DCDC1: variants seen among roughly 807,000 people sequenced by gnomAD.
DCDC1 encodes doublecortin domain-containing protein 1.
Under a neutral mutation model 178.3 loss-of-function variants are expected in DCDC1, and 200 were observed. The observed-to-expected ratio is 1.12, with a 90% confidence interval of 1.00 to 1.26. The LOEUF is 1.26. Ranked by LOEUF, DCDC1 falls within the 50% of genes most tolerant of loss-of-function variation. The pLI is 0.00. For synonymous variants in DCDC1, 690 were observed against 604.8 expected, an observed-to-expected ratio of 1.14 and a Z score of -2.07; for missense variants, 1,983 against 1,749.2, an observed-to-expected ratio of 1.13 and a Z score of -2.38.
At chr11:31,272,221 C>T (rs538884329) in intron 7 of DCDC1, among the ~76,000 whole-genome samples, 89 of 151,290 alleles carry the variant, frequency 5.9e-4, no homozygotes, top group Non-Finnish European at 2.5e-4. Flanking sequence ...AAGAACAGCA[C>T]GGGAAAGACC....
At chr11:31,178,392 T>C (rs1282396841) in intron 9 of DCDC1, among the ~76,000 whole-genome samples, 1 of 152,004 alleles carries the variant, frequency 6.6e-6, no homozygotes, top group African/African-American at 2.4e-5. Context: ...TCAAAATGGA[T>C]TAAAAACAAA....
At chr11:31,057,007 G>T (rs1343616002) in intron 20 of DCDC1, among the ~76,000 whole-genome samples, 1 of 152,010 alleles carries the variant, frequency 6.6e-6, no homozygotes, top group Non-Finnish European at 1.5e-5. Flanking sequence ...TGAGGCAGGT[G>T]GATGACTTGA....
chr11:31,144,622 T>C (rs1964240436), intron 9 of DCDC1, among the ~76,000 whole-genome samples: 2 of 152,218 alleles, frequency 1.3e-5, no homozygotes, highest in Non-Finnish European at 1.5e-5. Context: ...AAACACATCA[T>C]CTCATTGTTT....
chr11:31,283,337 C>T (rs1946583167), intron 7 of DCDC1, among the ~76,000 whole-genome samples: 1 of 150,902 alleles, frequency 6.6e-6, no homozygotes, highest in Non-Finnish European at 1.5e-5. Context: ...CTTTTCTTCT[C>T]TAATATCTAA....
chr11:30,979,857 T>A (rs774007547), intron 20 of DCDC1, among the ~76,000 whole-genome samples: 9 of 152,216 alleles, frequency 5.9e-5, no homozygotes, highest in Non-Finnish European at 1.2e-4. Context: ...AATCAGGATG[T>A]GAGATGATCT....
chr11:31,029,004 A>G (rs532253983), intron 20 of DCDC1, among the ~76,000 whole-genome samples: 1 of 152,224 alleles, frequency 6.6e-6, no homozygotes, highest in South Asian at 2.1e-4. Flanking sequence ...AGTAAAACAG[A>G]TGCTAAGATT....
At chr11:31,182,290 G>A (rs550122745) in intron 9 of DCDC1, among the ~76,000 whole-genome samples, 10 of 152,202 alleles carry the variant, frequency 6.6e-5, no homozygotes, top group Admixed American at 2.0e-4. Flanking sequence ...ACACATGATC[G>A]TCAGATACAC....
intron 1 of DCDC1, among the ~76,000 whole-genome samples, chr11:31,359,153 T>C (rs1433859101): frequency 2.6e-5 from 4 of 152,148 alleles, no homozygotes; most frequent in Non-Finnish European, 5.9e-5. Context: ...ATTGTGGCAC[T>C]ATTCACAATA....
At chr11:31,310,579 A>T (rs1948715981) in intron 3 of DCDC1, among the ~76,000 whole-genome samples, 3 of 151,998 alleles carry the variant, frequency 2.0e-5, no homozygotes, top group Admixed American at 6.6e-5. Flanking sequence ...TTGGCCTCTC[A>T]AAGTGCTGGG....
intron 9 of DCDC1, among the ~76,000 whole-genome samples, chr11:31,176,747 A>G (rs1968083140): frequency 6.6e-6 from 1 of 152,112 alleles, no homozygotes; most frequent in African/African-American, 2.4e-5. Context: ...GGGATAATAC[A>G]TTCAAAGTTC....
chr11:30,925,409 C>T lies in DCDC1; in HGVS notation c.2898-1G>A. The T allele has an allele frequency of 1.2e-6, 2 of 1,613,256 alleles. No homozygotes were observed. The highest frequency in any genetic ancestry group is 1.7e-6 in the Non-Finnish European group (2 of 1,179,588). On this transcript the variant is annotated splice_acceptor_variant, in intron 22 of 38. Transcript: ENST00000684477. LOFTEE classifies it high-confidence loss of function. ...AGGTAAATTTAAAATCTCAGTGCAC[C>T]TGTAATAAAAGACACAAAAATTGAC...
intron 8 of DCDC1, among the ~76,000 whole-genome samples, chr11:31,248,324 A>T (rs1943725478): frequency 6.6e-6 from 1 of 152,124 alleles, no homozygotes; most frequent in African/African-American, 2.4e-5. Context: ...ATAGAAAACA[A>T]AGTAAAACAT....
intron 17 of DCDC1, among the ~76,000 whole-genome samples, chr11:31,087,101 C>G (rs947038866): frequency 6.6e-6 from 1 of 151,986 alleles, no homozygotes; most frequent in African/African-American, 2.4e-5. Flanking sequence ...CTTGAGTAGG[C>G]ATTGGTGATT....
chr11:31,236,587 G>A (rs1976493586), intron 9 of DCDC1, among the ~76,000 whole-genome samples: 2 of 151,758 alleles, frequency 1.3e-5, no homozygotes, highest in Non-Finnish European at 2.9e-5. Flanking sequence ...CACTTAGAAA[G>A]AGACACAAGT....
intron 9 of DCDC1, among the ~76,000 whole-genome samples, chr11:31,226,874 C>G (rs988615636): frequency 9.2e-5 from 14 of 151,894 alleles, no homozygotes; most frequent in African/African-American, 3.1e-4. Context: ...TTTTAAATCT[C>G]TTTTAAAATT....
intron 20 of DCDC1, among the ~76,000 whole-genome samples, chr11:31,038,645 A>G (rs1396788400): frequency 6.6e-6 from 1 of 152,166 alleles, no homozygotes; most frequent in Non-Finnish European, 1.5e-5. Context: ...ATTTTGTTTG[A>G]CCTGTTTCAC....
chr11:30,960,468 T>G (rs1949030946), intron 20 of DCDC1, among the ~76,000 whole-genome samples: 1 of 152,138 alleles, frequency 6.6e-6, no homozygotes, highest in Non-Finnish European at 1.5e-5. Flanking sequence ...TGACAGACCC[T>G]TAACTGTAAT....
intron 9 of DCDC1, among the ~76,000 whole-genome samples, chr11:31,153,508 C>T (rs1965388876): frequency 6.6e-6 from 1 of 152,176 alleles, no homozygotes; most frequent in South Asian, 2.1e-4. Flanking sequence ...ACTGGCCAGT[C>T]GCAGTGGCTC....
chr11:31,165,677 A>C (rs1017956436), intron 9 of DCDC1, among the ~76,000 whole-genome samples: 1 of 152,094 alleles, frequency 6.6e-6, no homozygotes, highest in Admixed American at 6.6e-5. Flanking sequence ...TTTCTATTAG[A>C]TTATTAGTAA....
Sources: gnomAD v4.1 joint callset for allele counts (sites outside exome capture counted in the v4.1 genomes callset) on GRCh38, gnomAD v4.1.1 for gene constraint, MANE v1.5 for transcripts, NCBI Gene and HGNC (gene_info 2026-07-23, HGNC 2026-07-21) for gene names.